WDR75: variants seen among roughly 807,000 people sequenced by gnomAD.
WDR75 encodes the protein WD repeat domain 75, also known as WD repeat-containing protein 75.
In WDR75, 52 loss-of-function variants were observed where a neutral mutation model predicts 106.1. The ratio of observed to expected loss-of-function variants is 0.49; its 90% CI spans 0.39 to 0.62. WDR75 has a LOEUF of 0.62. WDR75 is among the 20% of genes least tolerant of loss of function. The pLI is 0.00. For missense variants in WDR75, 905 were observed against 970.3 expected, an observed-to-expected ratio of 0.93 and a Z score of 0.89; for synonymous variants, 333 against 335.5, an observed-to-expected ratio of 0.99 and a Z score of 0.08.
chr2:189,455,156 G>A (rs143829888), intron 4 of WDR75, among the ~76,000 whole-genome samples, 164 bp from the exon 5 acceptor site: 2,888 of 151,908 alleles, frequency 0.019, 86 homozygotes, highest in African/African-American at 0.067. Context: ...CAAGAGAATT[G>A]CTTGAACCTG....
chr2:189,465,232 A>T lies in WDR75; in HGVS notation c.1267A>T (p.Met423Leu). 6.2e-7 allele frequency: 1 copy of T among 1,612,480 alleles called. No homozygotes were observed. The highest frequency in any genetic ancestry group is 8.5e-7 in the Non-Finnish European group (1 of 1,179,030). Residue 423 changes from methionine (M) to leucine (L), a missense_variant, in exon 12 of 21, where the codon ATG becomes TTG. Physicochemically the swap from Met to Leu is conservative, Grantham distance 15 (BLOSUM62 2). Transcript: ENST00000314761. Reference sequence around the variant, plus strand: ...GCTTGAATTGCAAATGAAACTGTGGATGTATAATAAGAAAACACAAGGGTA... The same window carrying T: ...GCTTGAATTGCAAATGAAACTGTGGTTGTATAATAAGAAAACACAAGGGTA... ...TELELQMKLWMYNKKTQGFIL... is the reference protein window; with the variant it reads ...TELELQMKLWLYNKKTQGFIL...
intron 15 of WDR75, 95 bp from the exon 16 acceptor site, chr2:189,469,249 A>T: frequency 1.1e-6 from 1 of 900,288 alleles, no homozygotes. Context: ...GTTAGTTGGA[A>T]GCATAAGATT....
rs1448215478 is a variant in WDR75 at position 189,441,502 on chromosome 2, G to C, written c.10G>C (p.Glu4Gln). ...CCGCTACTGCGCAAAGATGGTGGAG[G>C]AGGAGAACATCCGCGTGGTTCGTTG... MVE[E>Q]ENIRVVRCGG... is the part of the protein sequence containing the mutation. The change falls in exon 1 of 21, where the codon GAG becomes CAG. Residue 4 changes from glutamate (E) to glutamine (Q), a missense_variant. Physicochemically the swap from Glu to Gln is conservative, Grantham distance 29. Coordinates refer to ENST00000314761, the MANE Select transcript of WDR75 (RefSeq NM_032168.3). 1 of 1,563,706 alleles carries C rather than the reference G, an allele frequency of 6.4e-7. No individual in the cohort carries two copies. The highest frequency in any genetic ancestry group is 1.9e-5 in the Admixed American group (1 of 52,772).
At position 189,441,593 on chromosome 2, in the gene WDR75, G is replaced by A. The variant is rs1468909844; in HGVS notation, c.86+15G>A. The A allele has an allele frequency of 1.9e-6, 3 of 1,553,356 alleles. No individual in the cohort carries two copies. The highest frequency in any genetic ancestry group is 2.6e-6 in the Non-Finnish European group (3 of 1,147,262). On this transcript the variant is annotated intron_variant, in intron 1 of 20. Transcript: ENST00000314761. ...GCAGATTCTAAGTATGAGGGGCACC[G>A]CGCTTTGTCGGCTGAGGGGCGGGGC...
chr2:189,474,475 T>G (rs1687173450), intron 19 of WDR75, 143 bp downstream of exon 19: 3 of 1,071,028 alleles, frequency 2.8e-6, no homozygotes, highest in Admixed American at 5.5e-5. Context: ...ACCGAGTAAC[T>G]TAACCTTGTG....
At position 189,457,350 on chromosome 2, in the gene WDR75, G is replaced by A; in HGVS notation, c.538G>A (p.Val180Ile). 1 of 1,604,560 alleles carries A rather than the reference G, an allele frequency of 6.2e-7. No homozygotes were observed. The highest frequency in any genetic ancestry group is 8.5e-7 in the Non-Finnish European group (1 of 1,172,662). ...VAAVREFYLS[V>I]YFFKKKTTSR... ...TGCAGTACGGGAATTTTACTTGTCT[G>A]TTTATTTTTTCAAAAAGAAAACAAC... is the stretch of plus-strand genomic sequence containing the variant. Residue 180 changes from valine (V) to isoleucine (I), a missense_variant, in exon 6 of 21, where the codon GTT (valine) becomes ATT (isoleucine). Transcript: ENST00000314761.
Position 189,465,137 on chromosome 2 carries a change from CA to C in WDR75, c.1175del (p.Lys392ArgfsTer28). ...TATGGTCTGATCCAAATTGAACTAA[CA>C]AAGGCTGCATTTGGCTGCTTTGGTA... ...NDYGLIQIEL[T>X]KAAFGCFGNW... On this transcript the variant is annotated frameshift_variant, in exon 12 of 21. Transcript: ENST00000314761. LOFTEE classifies it high-confidence loss of function. 1 of 1,612,842 alleles carries C rather than the reference CA, an allele frequency of 6.2e-7. No homozygotes were observed. Among genetic ancestry groups the C allele is most frequent in the Non-Finnish European group, 8.5e-7 (1 of 1,179,206 alleles).
chr2:189,445,946 A>C (rs1558980185), intron 1 of WDR75, among the ~76,000 whole-genome samples: 1 of 152,234 alleles, frequency 6.6e-6, no homozygotes, highest in Non-Finnish European at 1.5e-5. Context: ...CCATTGTTCT[A>C]TGCTGAGAAA....
intron 4 of WDR75, among the ~76,000 whole-genome samples, chr2:189,452,723 T>C (rs1574191318): frequency 1.3e-5 from 2 of 152,182 alleles, no homozygotes; most frequent in South Asian, 2.1e-4. Flanking sequence ...TCCCTTACCA[T>C]AGAGTTTGAT....
intron 18 of WDR75, among the ~76,000 whole-genome samples, chr2:189,473,800 C>T (rs1374215853): frequency 6.6e-6 from 1 of 152,188 alleles, no homozygotes; most frequent in African/African-American, 2.4e-5. Flanking sequence ...TGTGCTTTCT[C>T]AGGTCTACTA....
chr2:189,471,924 G>A (rs1687126795), intron 18 of WDR75, among the ~76,000 whole-genome samples: 1 of 152,064 alleles, frequency 6.6e-6, no homozygotes, highest in South Asian at 2.1e-4. Flanking sequence ...AATCATTCTC[G>A]CAGAACTTTG....
At position 189,458,830 on chromosome 2, in the gene WDR75, A is replaced by T. The variant is rs1686799271; in HGVS notation, c.647A>T (p.Asp216Val). Residue 216 changes from aspartate to valine, a missense_variant, in exon 7 of 21, where the codon GAC becomes GTC. By Grantham distance (152) the Asp-to-Val change is radical. Coordinates refer to ENST00000314761, the MANE Select transcript of WDR75 (RefSeq NM_032168.3). ...FTCVACHPTE[D>V]CIASGHMDGK... ...TGTGTAGCATGTCACCCAACGGAAG[A>T]CTGCATCGCATCTGGTCACATGGAT... The T allele has an allele frequency of 4.4e-6, 7 of 1,608,776 alleles. No individual in the cohort carries two copies. The highest frequency in any genetic ancestry group is 5.1e-6 in the Non-Finnish European group (6 of 1,177,814).
At chr2:189,441,709 C>A in intron 1 of WDR75, 131 bp downstream of exon 1, 1 of 1,026,308 alleles carries the variant, frequency 9.7e-7, no homozygotes. Flanking sequence ...GAGCACGCGC[C>A]TGTGGGGGAT....
At chr2:189,447,527 G>T (rs560881488) in intron 1 of WDR75, among the ~76,000 whole-genome samples, 1 of 152,298 alleles carries the variant, frequency 6.6e-6, no homozygotes, top group South Asian at 2.1e-4. Context: ...AAACACTGCT[G>T]TTGGCAGTAC....
intron 9 of WDR75, 110 bp downstream of exon 9, chr2:189,462,752 T>G: frequency 9.9e-7 from 1 of 1,013,768 alleles, no homozygotes; most frequent in East Asian, 2.6e-5. Flanking sequence ...CGTATGAGAT[T>G]TAATGAGCCT....
At chr2:189,471,016 T>C (rs1288725664) in intron 18 of WDR75, 138 bp downstream of exon 18, 2 of 446,116 alleles carry the variant, frequency 4.5e-6, no homozygotes, top group East Asian at 7.4e-5. Context: ...AACTGATATG[T>C]GTCTCTTGAA....
intron 18 of WDR75, among the ~76,000 whole-genome samples, chr2:189,473,544 A>G (rs1183542727): frequency 6.6e-6 from 1 of 152,104 alleles, no homozygotes; most frequent in East Asian, 1.9e-4. Flanking sequence ...CTGCCTAGAT[A>G]TGAAGATACC....
In WDR75 at chr2:189,474,698, G is replaced by GTT. The variant is rs774241673; in HGVS notation, c.2197-16_2197-15dup. ...GGATAAGCTTTTTAATTGCAACCGT[G>GTT]TTTTCTGTTTGACTCCAGCTTCTTC... On this transcript the variant is annotated intron_variant, in intron 19 of 20. Coordinates refer to ENST00000314761, the MANE Select transcript of WDR75 (RefSeq NM_032168.3). 2.5e-6 allele frequency: 4 copies of GTT among 1,608,290 alleles called. No homozygotes were observed. In the African/African-American group the frequency reaches 5.3e-5, roughly 21 times the overall value.
At chr2:189,459,619 G>A (rs1209686662) in intron 8 of WDR75, among the ~76,000 whole-genome samples, 195 bp downstream of exon 8, 1 of 152,198 alleles carries the variant, frequency 6.6e-6, no homozygotes, top group Admixed American at 6.5e-5. Context: ...AAGTTCTAAA[G>A]TGTACATTTG....
Sources: allele counts gnomAD v4.1 joint callset (sites outside exome capture counted in the v4.1 genomes callset), GRCh38; gene constraint gnomAD v4.1.1; transcripts MANE v1.5; gene names NCBI Gene and HGNC (gene_info 2026-07-23, HGNC 2026-07-21).